The following NAV2 variants were observed in gnomAD, a reference collection of about 807,000 sequenced individuals.
NAV2 encodes the protein helicase, APC down-regulated 1.
A neutral mutation model predicts 223.2 loss-of-function variants in NAV2; 54 were observed. The ratio of observed to expected loss-of-function variants is 0.24; its 90% CI spans 0.19 to 0.30. The LOEUF is 0.30. Among genes scored for constraint, NAV2 ranks in the 10% least tolerant of loss-of-function variants. The pLI, the probability that NAV2 is intolerant of heterozygous loss-of-function variation, is 1.00. For synonymous variants in NAV2, 1,279 were observed against 1,239.3 expected (o/e 1.03, Z -0.67); for missense variants, 2,806 against 3,147.5 (o/e 0.89, Z 2.60).
chr11:19,581,552 T>G (rs1036583384), intron 1 of NAV2, among the ~76,000 whole-genome samples: 2 of 152,106 alleles, frequency 1.3e-5, no homozygotes, highest in African/African-American at 4.8e-5. Flanking sequence ...GTGTGTGATG[T>G]TCCCCTTCCT....
intron 1 of NAV2, among the ~76,000 whole-genome samples, chr11:19,431,688 T>G (rs1033549338): frequency 1.7e-4 from 26 of 152,154 alleles, no homozygotes; most frequent in African/African-American, 6.0e-4. Flanking sequence ...AAATGCCTGG[T>G]GTCGGAAGAT....
At chr11:19,983,815 G>A (rs1010593975) in intron 10 of NAV2, among the ~76,000 whole-genome samples, 1 of 152,220 alleles carries the variant, frequency 6.6e-6, no homozygotes, top group Non-Finnish European at 1.5e-5. Context: ...TGAAAAGAAT[G>A]TCATGAATCC....
intron 36 of NAV2, among the ~76,000 whole-genome samples, chr11:20,110,446 G>A (rs909247116): frequency 4.6e-5 from 7 of 152,158 alleles, no homozygotes; most frequent in African/African-American, 1.4e-4. Flanking sequence ...GGGGCCCGAC[G>A]TGCATGATCT....
rs1054045057 is a variant in NAV2 at position 19,945,002 on chromosome 11, TTTTCC to T, written c.2147-1385_2147-1381del. 2.0e-5 allele frequency among the ~76,000 whole-genome samples: 3 copies of T among 149,456 alleles called. No homozygotes were observed. The South Asian group carries it at 6.4e-4, about 32-fold the overall frequency. ...CTTTCCCTTTCCCTTTCCATTTCCA[TTTTCC>T]TTTCCTTTCCTTTTCTTTCTTCTTT... On this transcript the variant is annotated intron_variant, in intron 8 of 37. Transcript: ENST00000349880.
chr11:19,983,006 C>A (rs1650058420), intron 10 of NAV2, among the ~76,000 whole-genome samples: 2 of 152,128 alleles, frequency 1.3e-5, no homozygotes, highest in African/African-American at 4.8e-5. Context: ...CTACATATTA[C>A]TTGATTTGAA....
At chr11:19,479,844 G>A (rs2042226327) in intron 1 of NAV2, among the ~76,000 whole-genome samples, 1 of 152,292 alleles carries the variant, frequency 6.6e-6, no homozygotes, top group Non-Finnish European at 1.5e-5. Flanking sequence ...CCTACACTGT[G>A]CATGTGCGCA....
chr11:19,724,956 G>A (rs2051113854), intron 1 of NAV2, among the ~76,000 whole-genome samples: 1 of 152,190 alleles, frequency 6.6e-6, no homozygotes, highest in Admixed American at 6.5e-5. Context: ...ACTGCAGCTT[G>A]GACAGGTCTG....
chr11:19,558,054 G>A (rs796962220), intron 1 of NAV2, among the ~76,000 whole-genome samples: 41 of 152,282 alleles, frequency 2.7e-4, no homozygotes, highest in African/African-American at 8.9e-4. Context: ...GCTTATAAAC[G>A]TGGGCTCTGG....
chr11:19,747,039 T>C (rs1188461438), intron 1 of NAV2, among the ~76,000 whole-genome samples: 1 of 78,158 alleles, frequency 1.3e-5, no homozygotes, highest in African/African-American at 4.2e-5. Context: ...TCTATCCCTC[T>C]CCCCTCCCCC....
intron 1 of NAV2, among the ~76,000 whole-genome samples, chr11:19,460,037 A>G (rs898360986): frequency 1.1e-4 from 17 of 152,248 alleles, no homozygotes; most frequent in Admixed American, 1.0e-3. Flanking sequence ...ATCTCTGGGC[A>G]AGATACTTAA....
At chr11:19,689,160 C>T (rs2049100376) in intron 1 of NAV2, among the ~76,000 whole-genome samples, 1 of 152,164 alleles carries the variant, frequency 6.6e-6, no homozygotes, top group Non-Finnish European at 1.5e-5. Flanking sequence ...TTGCTCTAGA[C>T]AAAGGCTGTG....
At chr11:20,102,682 C>T (rs888512786) in intron 32 of NAV2, among the ~76,000 whole-genome samples, 2 of 152,068 alleles carry the variant, frequency 1.3e-5, no homozygotes, top group African/African-American at 4.8e-5. Context: ...CACTGATGCA[C>T]CATTATTCTT....
chr11:19,569,173 T>C (rs2045355450), intron 1 of NAV2, among the ~76,000 whole-genome samples: 1 of 152,226 alleles, frequency 6.6e-6, no homozygotes, highest in East Asian at 1.9e-4. Flanking sequence ...ATAAAGAAAT[T>C]AGCAAATACA....
intron 6 of NAV2, among the ~76,000 whole-genome samples, chr11:19,924,053 A>T (rs1411091401): frequency 6.6e-6 from 1 of 152,190 alleles, no homozygotes; most frequent in Admixed American, 6.5e-5. Context: ...ATTTGTGTAG[A>T]ATACATTTGA....
Position 20,091,158 on chromosome 11 carries a change from C to T in NAV2, c.5652+140C>T, listed in dbSNP as rs1018534800. On this transcript the variant is annotated intron_variant, in intron 27 of 37. Coordinates refer to ENST00000349880, the MANE Select transcript of NAV2 (RefSeq NM_145117.5). ...CCCAGCCTTTATCTCTTTTCAGTCC[C>T]TCCCACACATTGCTCAAAGACCCAG... 32 of 754,992 alleles carry T rather than the reference C, an allele frequency of 4.2e-5. No individual in the cohort carries two copies. In the Admixed American group the frequency reaches 7.3e-4, roughly 17 times the overall value. The allele number at this position is 754,992 out of a possible 1,614,324, so 46.8% of individuals were successfully genotyped here.
chr11:19,903,786 C>T (rs2153195468), intron 6 of NAV2, among the ~76,000 whole-genome samples: 1 of 152,268 alleles, frequency 6.6e-6, no homozygotes, highest in South Asian at 2.1e-4. Flanking sequence ...AGGCACTGTG[C>T]TTGGGAGGAT....
At chr11:20,067,726 G>A (rs1790010358) in intron 20 of NAV2, among the ~76,000 whole-genome samples, 1 of 150,018 alleles carries the variant, frequency 6.7e-6, no homozygotes, top group African/African-American at 2.5e-5. Context: ...CTGACCTCAA[G>A]TGGTCCACCA....
At chr11:19,542,861 T>A (rs957962959) in intron 1 of NAV2, among the ~76,000 whole-genome samples, 4 of 152,194 alleles carry the variant, frequency 2.6e-5, no homozygotes, top group Non-Finnish European at 5.9e-5. Context: ...ACCACCTTGC[T>A]CTCCCCTTCA....
At chr11:19,729,010 G>A (rs139799792) in intron 1 of NAV2, among the ~76,000 whole-genome samples, 294 of 152,262 alleles carry the variant, frequency 1.9e-3, no homozygotes, top group African/African-American at 6.5e-3. Flanking sequence ...GATTACCCAG[G>A]GAGCTTGTTA....
Sources: gnomAD v4.1 joint callset for allele counts (sites outside exome capture counted in the v4.1 genomes callset) on GRCh38, gnomAD v4.1.1 for gene constraint, MANE v1.5 for transcripts, NCBI Gene and HGNC (gene_info 2026-07-23, HGNC 2026-07-21) for gene names.